KCNIP4: variants seen among roughly 807,000 people sequenced by gnomAD.
The protein encoded by KCNIP4 is potassium voltage-gated channel interacting protein 4, also known as Kv channel-interacting protein 4.
Under a neutral mutation model 34.0 loss-of-function variants are expected in KCNIP4, and 12 were observed. That is an observed-to-expected ratio of 0.35 (90% CI 0.23 to 0.57). The LOEUF (loss-of-function observed/expected upper bound fraction) is 0.57. Among genes scored for constraint, KCNIP4 ranks in the 20% least tolerant of loss-of-function variants. KCNIP4 has a pLI of 0.83. For synonymous variants in KCNIP4, 124 were observed against 102.2 expected (o/e 1.21, Z -1.29); for missense variants, 238 against 311.7 (o/e 0.76, Z 1.78).
At chr4:21,255,532 CCCTCAG>C (rs1761004930) in intron 1 of KCNIP4, among the ~76,000 whole-genome samples, 1 of 152,082 alleles carries the variant, frequency 6.6e-6, no homozygotes, top group South Asian at 2.1e-4. Flanking sequence ...ACTCTCCCCT[CCCTCAG>C]CCTCAGCCTC....
At chr4:21,020,770 T>A (rs1312668617) in intron 1 of KCNIP4, among the ~76,000 whole-genome samples, 2 of 152,116 alleles carry the variant, frequency 1.3e-5, no homozygotes, top group Non-Finnish European at 2.9e-5. Flanking sequence ...ATGCAAAGAT[T>A]GAGTGAATGA....
At chr4:21,060,023 C>A (rs946306335) in intron 1 of KCNIP4, among the ~76,000 whole-genome samples, 1 of 152,080 alleles carries the variant, frequency 6.6e-6, no homozygotes, top group African/African-American at 2.4e-5. Context: ...CTTATGGGAA[C>A]AACCTATACC....
intron 1 of KCNIP4, among the ~76,000 whole-genome samples, chr4:21,757,795 C>T (rs1717764602): frequency 6.6e-6 from 1 of 152,168 alleles, no homozygotes; most frequent in South Asian, 2.1e-4. Flanking sequence ...GATGAAGCCA[C>T]ATAAATGACG....
At chr4:21,180,762 T>C (rs546233859) in intron 1 of KCNIP4, among the ~76,000 whole-genome samples, 2 of 151,006 alleles carry the variant, frequency 1.3e-5, no homozygotes, top group Non-Finnish European at 3.0e-5. Context: ...TGTATATATG[T>C]GTACATTTAG....
At chr4:20,948,048 C>G (rs991259354) in intron 1 of KCNIP4, among the ~76,000 whole-genome samples, 2 of 152,198 alleles carry the variant, frequency 1.3e-5, no homozygotes, top group Non-Finnish European at 2.9e-5. Context: ...CGAGGGGATA[C>G]AGTCAGTGCT....
chr4:21,543,570 G>C (rs1737881019), intron 1 of KCNIP4, among the ~76,000 whole-genome samples: 1 of 152,026 alleles, frequency 6.6e-6, no homozygotes, highest in African/African-American at 2.4e-5. Flanking sequence ...TGTTTGCTTT[G>C]TTGTAGCTAA....
intron 1 of KCNIP4, among the ~76,000 whole-genome samples, chr4:21,040,412 C>G (rs1741855462): frequency 6.6e-6 from 1 of 152,110 alleles, no homozygotes; most frequent in Non-Finnish European, 1.5e-5. Context: ...AACAAGGTTA[C>G]AGCTGGCTAT....
intron 1 of KCNIP4, among the ~76,000 whole-genome samples, chr4:20,892,879 C>G (rs1199250801): frequency 6.6e-6 from 1 of 152,108 alleles, no homozygotes; most frequent in Non-Finnish European, 1.5e-5. Context: ...TAAGATTGAC[C>G]AATTGAACCT....
intron 1 of KCNIP4, among the ~76,000 whole-genome samples, chr4:21,243,405 A>C (rs185354441): frequency 4.6e-5 from 7 of 152,300 alleles, no homozygotes; most frequent in Non-Finnish European, 8.8e-5. Flanking sequence ...TATCTTTGTT[A>C]ATAATTATTA....
chr4:20,866,718 A>G (rs1170666163), intron 2 of KCNIP4, among the ~76,000 whole-genome samples: 2 of 152,032 alleles, frequency 1.3e-5, no homozygotes, highest in African/African-American at 4.8e-5. Context: ...AAGTCAAACT[A>G]TCTCTCTTCA....
At chr4:21,040,239 A>G (rs1170851502) in intron 1 of KCNIP4, among the ~76,000 whole-genome samples, 6 of 152,212 alleles carry the variant, frequency 3.9e-5, no homozygotes, top group Admixed American at 6.5e-5. Flanking sequence ...GAACAGAAAT[A>G]AGTAGCTCAA....
At chr4:21,252,155 G>A (rs1446016452) in intron 1 of KCNIP4, among the ~76,000 whole-genome samples, 3 of 140,504 alleles carry the variant, frequency 2.1e-5, no homozygotes, top group South Asian at 2.3e-4. Context: ...TTGAGACAGA[G>A]TCTCGCTCTG....
intron 1 of KCNIP4, among the ~76,000 whole-genome samples, chr4:21,078,678 G>T (rs10005488): frequency 0.023 from 3,545 of 152,132 alleles, 128 homozygotes; most frequent in African/African-American, 0.08. Context: ...AAAATTTGGA[G>T]TTAACTAATT....
chr4:21,205,558 G>A (rs1253484310), intron 1 of KCNIP4, among the ~76,000 whole-genome samples: 1 of 152,224 alleles, frequency 6.6e-6, no homozygotes, highest in African/African-American at 2.4e-5. Context: ...TAAGAATGTA[G>A]CTTGTATGTG....
chr4:20,860,676 G>A (rs1722103110), intron 2 of KCNIP4, among the ~76,000 whole-genome samples: 1 of 152,064 alleles, frequency 6.6e-6, no homozygotes, highest in South Asian at 2.1e-4. Context: ...GATCCATATG[G>A]CAATAACATA....
chr4:20,908,228 T>C (rs1431657702), intron 1 of KCNIP4, among the ~76,000 whole-genome samples: 1 of 151,722 alleles, frequency 6.6e-6, no homozygotes, highest in African/African-American at 2.4e-5. Flanking sequence ...GCCTCCTGAG[T>C]AGCTGCGATT....
At chr4:21,584,967 A>C (rs1741501674) in intron 1 of KCNIP4, among the ~76,000 whole-genome samples, 1 of 152,018 alleles carries the variant, frequency 6.6e-6, no homozygotes, top group Non-Finnish European at 1.5e-5. Context: ...TTGTAGGAAA[A>C]AACTGAGGTG....
At chr4:21,170,623 A>G (rs1317843163) in intron 1 of KCNIP4, among the ~76,000 whole-genome samples, 3 of 152,188 alleles carry the variant, frequency 2.0e-5, no homozygotes, top group African/African-American at 7.2e-5. Context: ...AGAATTATAG[A>G]GAAACCTGAA....
chr4:20,895,139 G>T (rs183259896), intron 1 of KCNIP4, among the ~76,000 whole-genome samples: 1 of 152,258 alleles, frequency 6.6e-6, no homozygotes, highest in Non-Finnish European at 1.5e-5. Context: ...CCACAAAATG[G>T]AACACTTATT....
Sources: gnomAD v4.1 joint callset for allele counts (sites outside exome capture counted in the v4.1 genomes callset) on GRCh38, gnomAD v4.1.1 for gene constraint, MANE v1.5 for transcripts, NCBI Gene and HGNC (gene_info 2026-07-23, HGNC 2026-07-21) for gene names.